The following SDCCAG8 variants were observed in gnomAD, a reference collection of about 807,000 sequenced individuals.
SDCCAG8 encodes SHH signaling and ciliogenesis regulator SDCCAG8.
SDCCAG8 carries 74 observed loss-of-function variants against 101.8 expected under a neutral mutation model. The observed-to-expected ratio is 0.73, with a 90% CI of 0.60 to 0.88. The LOEUF (loss-of-function observed/expected upper bound fraction) is 0.88, where lower values mean the gene tolerates loss of function less well. Among genes scored for constraint, SDCCAG8 ranks in the 40% least tolerant of loss-of-function variants. The pLI is 0.00. For missense variants in SDCCAG8, 787 were observed against 822.6 expected (o/e 0.96, Z 0.53); for synonymous variants, 281 against 292.9 (o/e 0.96, Z 0.41).
intron 6 of SDCCAG8, among the ~76,000 whole-genome samples, chr1:243,301,895 A>C (rs2071546730): frequency 2.6e-5 from 4 of 152,234 alleles, no homozygotes; most frequent in Non-Finnish European, 2.9e-5. Flanking sequence ...AGATAACAAG[A>C]GAAGCAGCTT....
rs2075454484 is a variant in SDCCAG8, at chr1:243,342,784, ACT to A, written c.1357-1425_1357-1424del. 3.3e-5 allele frequency among the ~76,000 whole-genome samples: 5 copies of A among 151,914 alleles called. No individual in the cohort carries two copies. The Middle Eastern group carries it at 0.01, about 312-fold the overall frequency. ...ATAATTTTTGAAATCGGAGGAATAAACTCTCTCACATTGAAGGCATTTGAACT... is the reference window on the plus strand; with the variant it reads ...ATAATTTTTGAAATCGGAGGAATAAACTCTCACATTGAAGGCATTTGAACT... On this transcript the variant is annotated intron_variant, in intron 11 of 17. Transcript: ENST00000366541.
At chr1:243,366,757 A>G (rs1448471325) in intron 12 of SDCCAG8, among the ~76,000 whole-genome samples, 1 of 152,068 alleles carries the variant, frequency 6.6e-6, no homozygotes, top group Admixed American at 6.6e-5. Flanking sequence ...TTAATATTTT[A>G]ATAGTTACAA....
intron 9 of SDCCAG8, among the ~76,000 whole-genome samples, chr1:243,321,538 A>G (rs972961032): frequency 6.6e-6 from 1 of 152,218 alleles, no homozygotes; most frequent in African/African-American, 2.4e-5. Context: ...AGCTACATCT[A>G]TGTTGCTGCA....
Position 243,426,462 on chromosome 1 carries a change from A to AT in SDCCAG8, c.1890dup (p.Thr631TyrfsTer3), listed in dbSNP as rs1478620831. The AT allele has an allele frequency of 6.2e-7, 1 of 1,613,744 alleles. No individual in the cohort carries two copies. Among genetic ancestry groups the AT allele is most frequent in the Non-Finnish European group, 8.5e-7 (1 of 1,179,694 alleles). On this transcript the variant is annotated frameshift_variant, in exon 16 of 18. Transcript: ENST00000366541. LOFTEE classifies it high-confidence loss of function. ...GCTCAACTCAGTCAAGAAAAAAGGT[A>AT]TACATATGATAAATTGGGAAAGTTA... is the stretch of plus-strand genomic sequence containing the variant.
At position 243,458,344 on chromosome 1, in the gene SDCCAG8, A is replaced by G. The variant is rs984390242; in HGVS notation, c.1986-30670A>G. On this transcript the variant is annotated intron_variant, in intron 16 of 17. Transcript: ENST00000366541. This position sits in a 1 kb window ranked among gnomAD's most constrained non-coding sequence, Gnocchi z 4.5. ...GTGTTAAGCTTCTTGCTACCATGTA[A>G]AAATTTCCTGACACCTCTTGCAATA... 3.9e-5 allele frequency among the ~76,000 whole-genome samples: 6 copies of G among 152,108 alleles called. No homozygotes were observed. Among genetic ancestry groups the G allele is most frequent in the African/African-American group, 1.4e-4 (6 of 41,426 alleles).
intron 12 of SDCCAG8, among the ~76,000 whole-genome samples, chr1:243,366,090 G>T (rs1168784693): frequency 1.3e-5 from 2 of 151,960 alleles, no homozygotes; most frequent in Admixed American, 6.6e-5. Context: ...ATTTAATAAT[G>T]AAAAAGATAT....
intron 16 of SDCCAG8, among the ~76,000 whole-genome samples, chr1:243,429,477 A>G (rs748383205): frequency 6.6e-6 from 1 of 152,108 alleles, no homozygotes; most frequent in Non-Finnish European, 1.5e-5. Context: ...TCAAGGGCCA[A>G]CTGTACAGTA....
At chr1:243,300,165 G>T (rs1308506911) in intron 6 of SDCCAG8, among the ~76,000 whole-genome samples, 1 of 152,018 alleles carries the variant, frequency 6.6e-6, no homozygotes, top group African/African-American at 2.4e-5. Flanking sequence ...GCCTGGCCAT[G>T]AATTAATTAT....
At chr1:243,352,396 G>A (rs1318050294) in intron 12 of SDCCAG8, among the ~76,000 whole-genome samples, 1 of 152,164 alleles carries the variant, frequency 6.6e-6, no homozygotes, top group African/African-American at 2.4e-5. Context: ...GATGACATGT[G>A]TTTTGGTTCT....
chr1:243,284,232 T>C (rs187849439), intron 4 of SDCCAG8, among the ~76,000 whole-genome samples: 235 of 152,316 alleles, frequency 1.5e-3, no homozygotes, highest in African/African-American at 5.3e-3. Flanking sequence ...GCCTTTAGCA[T>C]GAGCTTTTAT....
intron 16 of SDCCAG8, among the ~76,000 whole-genome samples, chr1:243,478,956 CAA>C (rs148382740): frequency 0.46 from 42,850 of 93,936 alleles, 7,728 homozygotes; most frequent in East Asian, 0.7. Flanking sequence ...GACTCTGTCT[CAA>C]AAAAAAAAAA....
In SDCCAG8 at chr1:243,274,668, A is replaced by C; in HGVS notation, c.420+12A>C. 4.1e-6 allele frequency: 6 copies of C among 1,449,818 alleles called. No homozygotes were observed. Among genetic ancestry groups the C allele is most frequent in the South Asian group, 2.3e-5 (2 of 87,332 alleles). 89.8% of individuals were successfully genotyped at this position (1,449,818 alleles called of 1,614,324 possible). On this transcript the variant is annotated intron_variant, in intron 4 of 17. Transcript: ENST00000366541. ...TTAAGTTCTGCAAGGTAAGTTTCTC[A>C]TTAAGAATTTAAAACTAAATAAATG...
At chr1:243,457,744 G>A (rs1214578638) in intron 16 of SDCCAG8, among the ~76,000 whole-genome samples, 1 of 152,094 alleles carries the variant, frequency 6.6e-6, no homozygotes, top group African/African-American at 2.4e-5. Context: ...AGATCATTTC[G>A]ATGTTTACAT....
At chr1:243,376,055 C>CA (rs1485493735) in intron 12 of SDCCAG8, among the ~76,000 whole-genome samples, 1 of 152,114 alleles carries the variant, frequency 6.6e-6, no homozygotes, top group African/African-American at 2.4e-5. Context: ...AAGTTTTATT[C>CA]AGTTTTCACC....
At chr1:243,318,071 T>G (rs1235849579) in intron 9 of SDCCAG8, 1 of 456,526 alleles carries the variant, frequency 2.2e-6, no homozygotes, top group East Asian at 6.9e-5. Context: ...ACGATGGAAT[T>G]GATGGAATCA....
chr1:243,355,319 TC>T (rs1429722222), intron 12 of SDCCAG8, among the ~76,000 whole-genome samples: 5 of 134,564 alleles, frequency 3.7e-5, no homozygotes, highest in Non-Finnish European at 6.1e-5. Context: ...ATACCTTCTC[TC>T]TCTCTCTCTC....
chr1:243,373,756 G>A (rs906553756), intron 12 of SDCCAG8, among the ~76,000 whole-genome samples: 1 of 152,076 alleles, frequency 6.6e-6, no homozygotes, highest in Admixed American at 6.6e-5. Flanking sequence ...GAGACATAAG[G>A]TATTCCACTC....
chr1:243,418,074 C>G lies in SDCCAG8; in HGVS notation c.1851C>G (p.Thr617=), dbSNP rs1163281253. The part of the protein sequence containing the change: ...AKKLEQISQK[T]RSEIAQLSQE... ...AACTGGAACAAATCTCTCAAAAAAC[C>G]AGGTAGGTGATGTTATAGAATACTT... is the stretch of plus-strand genomic sequence containing the variant. Residue 617 remains threonine (T), a splice_region_variant and synonymous_variant, in exon 15 of 18, where the codon ACC becomes ACG. Transcript: ENST00000366541. The G allele has an allele frequency of 1.3e-6, 2 of 1,599,802 alleles. No individual in the cohort carries two copies. Among genetic ancestry groups the G allele is most frequent in the South Asian group, 2.2e-5 (2 of 90,810 alleles).
At chr1:243,349,726 G>A (rs1026490795) in intron 12 of SDCCAG8, among the ~76,000 whole-genome samples, 1 of 152,094 alleles carries the variant, frequency 6.6e-6, no homozygotes, top group Non-Finnish European at 1.5e-5. Flanking sequence ...CTAGTGGCTT[G>A]GATGGGAGTG....
Sources: gnomAD v4.1 joint callset for allele counts (sites outside exome capture counted in the v4.1 genomes callset) on GRCh38, gnomAD v4.1.1 for gene constraint, Gnocchi (gnomAD v3.1) non-coding constraint, MANE v1.5 for transcripts, NCBI Gene and HGNC (gene_info 2026-07-23, HGNC 2026-07-21) for gene names.